TECRL: variants seen among roughly 807,000 people sequenced by gnomAD.
The protein encoded by TECRL is trans-2,3-enoyl-CoA reductase like.
In TECRL, 63 loss-of-function variants were observed where a neutral mutation model predicts 52.8. The observed-to-expected ratio is 1.19, with a 90% CI of 0.97 to 1.47. TECRL has a LOEUF of 1.47. TECRL is among the 40% of genes most tolerant of loss of function. TECRL has a pLI of 0.00. For synonymous variants in TECRL, 164 were observed against 141.9 expected (o/e 1.16, Z -1.10); for missense variants, 482 against 429.6 (o/e 1.12, Z -1.08).
chr4:64,300,307 G>A (rs1319859794), intron 7 of TECRL, among the ~76,000 whole-genome samples: 2 of 150,362 alleles, frequency 1.3e-5, no homozygotes, highest in African/African-American at 2.4e-5. Flanking sequence ...CATTTTAAAA[G>A]CACACTTAAG....
At chr4:64,402,395 GGCAA>G (rs1724415373) in intron 1 of TECRL, among the ~76,000 whole-genome samples, 1 of 151,810 alleles carries the variant, frequency 6.6e-6, no homozygotes, top group African/African-American at 2.4e-5. Flanking sequence ...TAGTAGGTTG[GGCAA>G]GCATAAAATA....
At chr4:64,373,917 A>G (rs1337548342) in intron 2 of TECRL, among the ~76,000 whole-genome samples, 2 of 148,370 alleles carry the variant, frequency 1.3e-5, no homozygotes, top group African/African-American at 4.9e-5. Flanking sequence ...AAAAATACTT[A>G]TATATACTAT....
chr4:64,395,943 CA>C (rs1723917401), intron 1 of TECRL, among the ~76,000 whole-genome samples: 1 of 152,082 alleles, frequency 6.6e-6, no homozygotes, highest in South Asian at 2.1e-4. Context: ...TTCTGTTCCT[CA>C]GTTAATTCAC....
chr4:64,397,073 T>C (rs1724005696), intron 1 of TECRL, among the ~76,000 whole-genome samples: 1 of 152,160 alleles, frequency 6.6e-6, no homozygotes, highest in Admixed American at 6.6e-5. Context: ...CACACAGCTT[T>C]ATCTATTTTG....
chr4:64,367,580 G>T (rs144757484), intron 2 of TECRL, among the ~76,000 whole-genome samples: 1 of 151,804 alleles, frequency 6.6e-6, no homozygotes, highest in African/African-American at 2.4e-5. Flanking sequence ...AATATACAGC[G>T]AAATAAATTT....
intron 2 of TECRL, among the ~76,000 whole-genome samples, chr4:64,364,040 A>C (rs1327334298): frequency 6.6e-6 from 1 of 152,112 alleles, no homozygotes; most frequent in Non-Finnish European, 1.5e-5. Flanking sequence ...AATTATGAAA[A>C]ACTGAAATTA....
chr4:64,346,979 C>A (rs192131527), intron 2 of TECRL, among the ~76,000 whole-genome samples: 1 of 152,180 alleles, frequency 6.6e-6, no homozygotes, highest in Admixed American at 6.5e-5. Context: ...TGTGTGCCTA[C>A]GTCTGTACAG....
chr4:64,309,100 A>T (rs962345731), intron 6 of TECRL, among the ~76,000 whole-genome samples: 1 of 152,166 alleles, frequency 6.6e-6, no homozygotes, highest in Non-Finnish European at 1.5e-5. Flanking sequence ...ATCTTCTATT[A>T]AAAAAGCAGT....
rs148288557 is a variant in TECRL at position 64,340,783 on chromosome 4, C to T, written c.287-12227G>A. On this transcript the variant is annotated intron_variant, in intron 2 of 11. Coordinates refer to ENST00000381210, the MANE Select transcript of TECRL (RefSeq NM_001010874.5). ...GATGGGGACCCAGCTGCCAGTCTCA[C>T]AGACTGGGATGTGAACTTGTGGTGT... is the stretch of plus-strand genomic sequence containing the variant. Among the ~76,000 whole-genome samples the T allele has an allele frequency of 1.5e-3, 233 of 152,328 alleles. 1 individual carries two copies. The highest frequency in any genetic ancestry group is 5.3e-3 in the African/African-American group (222 of 41,574).
intron 2 of TECRL, among the ~76,000 whole-genome samples, chr4:64,360,823 A>T (rs1721136739): frequency 6.6e-6 from 1 of 152,078 alleles, no homozygotes; most frequent in African/African-American, 2.4e-5. Flanking sequence ...GCGGTGAGAG[A>T]CTGTATACTG....
At chr4:64,405,670 G>GT (rs949419633) in intron 1 of TECRL, among the ~76,000 whole-genome samples, 9 of 152,092 alleles carry the variant, frequency 5.9e-5, no homozygotes, top group East Asian at 3.9e-4. Context: ...TCACTAGGAA[G>GT]TTTTTTTTAA....
chr4:64,319,629 G>A (rs930428013), intron 4 of TECRL, among the ~76,000 whole-genome samples: 1 of 151,682 alleles, frequency 6.6e-6, no homozygotes, highest in Non-Finnish European at 1.5e-5. Context: ...TTTTTAAAAA[G>A]TTCATACAAA....
At chr4:64,295,786 G>A (rs1170340135) in intron 8 of TECRL, among the ~76,000 whole-genome samples, 1 of 151,846 alleles carries the variant, frequency 6.6e-6, no homozygotes, top group Non-Finnish European at 1.5e-5. Context: ...GAGTAAGTTA[G>A]TCGTAGCTCA....
At chr4:64,313,161 G>A (rs939561640) in intron 5 of TECRL, among the ~76,000 whole-genome samples, 1 of 152,112 alleles carries the variant, frequency 6.6e-6, no homozygotes, top group Non-Finnish European at 1.5e-5. Flanking sequence ...TGTAATTAAA[G>A]GTAGGCAAAA....
chr4:64,338,205 G>C (rs1235509988), intron 2 of TECRL, among the ~76,000 whole-genome samples: 1 of 152,128 alleles, frequency 6.6e-6, no homozygotes, highest in Non-Finnish European at 1.5e-5. Flanking sequence ...TTAACAAATG[G>C]TGCTGGGAAA....
At chr4:64,285,030 T>C (rs1723013005) in intron 9 of TECRL, among the ~76,000 whole-genome samples, 2 of 152,106 alleles carry the variant, frequency 1.3e-5, no homozygotes, top group Non-Finnish European at 2.9e-5. Flanking sequence ...ATTTTCACAT[T>C]TTAAGGACTG....
At chr4:64,315,268 A>T (rs1717419886) in intron 4 of TECRL, among the ~76,000 whole-genome samples, 1 of 152,112 alleles carries the variant, frequency 6.6e-6, no homozygotes, top group South Asian at 2.1e-4. Context: ...TAGAAATTTT[A>T]TATTTTAATT....
intron 1 of TECRL, among the ~76,000 whole-genome samples, chr4:64,393,864 A>T (rs1426437449): frequency 7.9e-5 from 12 of 151,980 alleles, no homozygotes; most frequent in Admixed American, 7.2e-4. Flanking sequence ...CATCATGCAT[A>T]TTATTTTTAT....
chr4:64,382,483 C>T (rs536518210), intron 1 of TECRL, among the ~76,000 whole-genome samples: 5 of 150,718 alleles, frequency 3.3e-5, no homozygotes, highest in Non-Finnish European at 5.9e-5. Flanking sequence ...CCTTCTTTGT[C>T]TCTTTTTAAG....
Sources: gnomAD v4.1 joint callset for allele counts (sites outside exome capture counted in the v4.1 genomes callset) on GRCh38, gnomAD v4.1.1 for gene constraint, MANE v1.5 for transcripts, NCBI Gene and HGNC (gene_info 2026-07-23, HGNC 2026-07-21) for gene names.